Variants in SLC35D2 observed in about 807,000 individuals in gnomAD.
The protein encoded by SLC35D2 is nucleotide sugar transporter SLC35D2.
Under a neutral mutation model 41.8 loss-of-function variants are expected in SLC35D2, and 43 were observed. The observed-to-expected ratio is 1.03, with a 90% confidence interval of 0.81 to 1.33. The LOEUF is 1.33. SLC35D2 is among the 40% of genes most tolerant of loss of function. The pLI, the probability that SLC35D2 is intolerant of heterozygous loss-of-function variation, is 0.00. For missense variants in SLC35D2, 380 were observed against 408.4 expected (o/e 0.93, Z 0.60); for synonymous variants, 150 against 163.9 (o/e 0.92, Z 0.65).
chr9:96,355,669 G>A (rs1249407411), intron 4 of SLC35D2, among the ~76,000 whole-genome samples: 1 of 151,744 alleles, frequency 6.6e-6, no homozygotes, highest in Non-Finnish European at 1.5e-5. Flanking sequence ...GCTAATTTTT[G>A]TATTTTTAGT....
intron 8 of SLC35D2, 28 bp downstream of exon 8, chr9:96,343,875 GA>G: frequency 7.0e-7 from 1 of 1,419,082 alleles, no homozygotes; most frequent in Non-Finnish European, 9.5e-7. Flanking sequence ...GCCAGCTAAG[GA>G]AAACTGTAAT....
At chr9:96,369,929 G>A (rs566877437) in intron 1 of SLC35D2, among the ~76,000 whole-genome samples, 123 of 152,298 alleles carry the variant, frequency 8.1e-4, no homozygotes, top group Non-Finnish European at 8.1e-4. Flanking sequence ...ACTTATCAGA[G>A]AAAACAGAAT....
chr9:96,321,994 T>C lies in SLC35D2; in HGVS notation c.914+4A>G, dbSNP rs770650368. ...AAGCGAGTCCATTAAAAATTCCCAC[T>C]CACCAAATATTTAACCCTACAAAGT... On this transcript the variant is annotated splice_donor_region_variant and intron_variant, in intron 11 of 11. Transcript: ENST00000253270. 1 of 1,549,410 alleles carries C rather than the reference T, an allele frequency of 6.5e-7. No individual in the cohort carries two copies. The highest frequency in any genetic ancestry group is 1.7e-5 in the Admixed American group (1 of 58,514).
chr9:96,325,129 T>C (rs1828462831), intron 9 of SLC35D2, among the ~76,000 whole-genome samples: 1 of 152,216 alleles, frequency 6.6e-6, no homozygotes, highest in African/African-American at 2.4e-5. Flanking sequence ...TAGGTATTGA[T>C]ACTTACTTGC....
downstream of SLC35D2, among the ~76,000 whole-genome samples, chr9:96,318,845 C>T (rs1338401991): frequency 1.3e-5 from 2 of 152,018 alleles, no homozygotes; most frequent in Non-Finnish European, 2.9e-5. Flanking sequence ...ATTATGATGG[C>T]TACTAGTAAA....
At chr9:96,317,151 A>G (rs4606183), downstream of SLC35D2, among the ~76,000 whole-genome samples, 7,757 of 151,286 alleles carry the variant, frequency 0.051, 274 homozygotes, top group South Asian at 0.18. Context: ...AAAAAAAAAA[A>G]GTATTAAAAC....
At chr9:96,318,064 G>T (rs1310490657), downstream of SLC35D2, among the ~76,000 whole-genome samples, 25 of 147,692 alleles carry the variant, frequency 1.7e-4, no homozygotes, top group African/African-American at 5.8e-4. Flanking sequence ...GGAGCTCCAA[G>T]TTTACACTCC....
chr9:96,340,525 C>A (rs1231680220), intron 8 of SLC35D2, among the ~76,000 whole-genome samples: 2 of 139,344 alleles, frequency 1.4e-5, no homozygotes, highest in Non-Finnish European at 3.0e-5. Flanking sequence ...GAGGCTGAGG[C>A]AGGAGAATCG....
At chr9:96,360,867 G>A (rs1449684522) in intron 3 of SLC35D2, among the ~76,000 whole-genome samples, 6 of 151,786 alleles carry the variant, frequency 4.0e-5, no homozygotes, top group Admixed American at 2.0e-4. Flanking sequence ...TCAGTCTCCC[G>A]AGTAGCTGGG....
intron 4 of SLC35D2, among the ~76,000 whole-genome samples, chr9:96,356,299 A>T (rs1348193918): frequency 6.6e-6 from 1 of 151,952 alleles, no homozygotes; most frequent in East Asian, 1.9e-4. Flanking sequence ...ACCCAGCCTC[A>T]GGTAGTCCTT....
intron 6 of SLC35D2, among the ~76,000 whole-genome samples, chr9:96,346,612 G>A (rs1829586494): frequency 6.6e-6 from 1 of 152,254 alleles, no homozygotes; most frequent in East Asian, 1.9e-4. Context: ...CAGTGGCACA[G>A]TTTGCAGTGG....
At chr9:96,322,246 T>C (rs1187112825) in intron 10 of SLC35D2, among the ~76,000 whole-genome samples, 166 bp from the exon 11 acceptor site, 1 of 152,218 alleles carries the variant, frequency 6.6e-6, no homozygotes, top group Non-Finnish European at 1.5e-5. Flanking sequence ...AGGCCAGGAA[T>C]GATGGCTCAC....
At position 96,383,581 on chromosome 9, in the gene SLC35D2, CGCGCCGGGCT is replaced by C; in HGVS notation, c.44_53del (p.Glu15GlyfsTer32). ...GGGCCACCCGCGAGGGCAGCCGCGC[CGCGCCGGGCT>C]CCCCGCCAGCGCCCTCGGCCTCGGC... On this transcript the variant is annotated frameshift_variant, in exon 1 of 12. Transcript: ENST00000253270. LOFTEE classifies it high-confidence loss of function. The C allele has an allele frequency of 6.9e-7, 1 of 1,459,290 alleles. No individual in the cohort carries two copies. The highest frequency in any genetic ancestry group is 9.1e-7 in the Non-Finnish European group (1 of 1,103,948). 90.4% of individuals were successfully genotyped at this position (1,459,290 alleles called of 1,614,324 possible). A position where few individuals can be genotyped will look rare whatever the true frequency, so the allele number is the denominator to read the frequency against.
At chr9:96,381,136 T>G (rs373780610) in intron 1 of SLC35D2, among the ~76,000 whole-genome samples, 21 of 152,348 alleles carry the variant, frequency 1.4e-4, no homozygotes, top group South Asian at 1.0e-3. Context: ...TCACACAAAT[T>G]GTGTCAGGTC....
At chr9:96,370,122 G>A (rs749123285) in intron 1 of SLC35D2, among the ~76,000 whole-genome samples, 15 of 152,094 alleles carry the variant, frequency 9.9e-5, no homozygotes, top group Non-Finnish European at 1.6e-4. Context: ...GTTGGTCTCT[G>A]CAGGGGTATA....
At chr9:96,329,042 C>T (rs1443532678) in intron 9 of SLC35D2, among the ~76,000 whole-genome samples, 1 of 148,948 alleles carries the variant, frequency 6.7e-6, no homozygotes, top group African/African-American at 2.5e-5. Flanking sequence ...GAGATGAAAT[C>T]GCGTCACTGC....
At chr9:96,347,622 C>T (rs1297975475) in intron 6 of SLC35D2, among the ~76,000 whole-genome samples, 6 of 152,012 alleles carry the variant, frequency 3.9e-5, no homozygotes, top group Non-Finnish European at 7.4e-5. Context: ...CAAGCAATCC[C>T]GTCACCTGGG....
intron 7 of SLC35D2, among the ~76,000 whole-genome samples, chr9:96,344,723 A>ATG (rs1829499641): frequency 3.4e-5 from 1 of 29,486 alleles, no homozygotes; most frequent in Non-Finnish European, 7.5e-5. Flanking sequence ...GGGGTGGGGG[A>ATG]GGGATGGGGG....
At chr9:96,338,508 A>G (rs557798142) in intron 8 of SLC35D2, among the ~76,000 whole-genome samples, 1 of 148,160 alleles carries the variant, frequency 6.7e-6, no homozygotes, top group South Asian at 2.1e-4. Flanking sequence ...GTGAGCTGTG[A>G]TGGTACCACT....
Sources: gnomAD v4.1 joint callset for allele counts (sites outside exome capture counted in the v4.1 genomes callset) on GRCh38, gnomAD v4.1.1 for gene constraint, MANE v1.5 for transcripts, NCBI Gene and HGNC (gene_info 2026-07-23, HGNC 2026-07-21) for gene names.